NALF1: variants seen among roughly 807,000 people sequenced by gnomAD.
NALF1 encodes NALCN channel auxiliary factor 1, also known as family with sequence similarity 155 member A.
A neutral mutation model predicts 48.4 loss-of-function variants in NALF1; 3 were observed. The ratio of observed to expected loss-of-function variants is 0.06; its 90% CI spans 0.03 to 0.16. NALF1 has a LOEUF of 0.16. Among genes scored for constraint, NALF1 ranks in the 10% least tolerant of loss-of-function variants. The pLI, the probability that NALF1 is intolerant of heterozygous loss-of-function variation, is 1.00. For missense variants in NALF1, 526 were observed against 571.5 expected (o/e 0.92, Z 0.81); for synonymous variants, 262 against 245.7 (o/e 1.07, Z -0.62).
At chr13:107,677,915 T>C (rs1295195240) in intron 1 of NALF1, among the ~76,000 whole-genome samples, 2 of 152,224 alleles carry the variant, frequency 1.3e-5, no homozygotes, top group African/African-American at 2.4e-5. Context: ...TATACATACT[T>C]GAGTTTAGAG....
intron 1 of NALF1, among the ~76,000 whole-genome samples, chr13:107,438,274 T>C (rs1884495160): frequency 6.6e-6 from 1 of 152,226 alleles, no homozygotes; most frequent in Non-Finnish European, 1.5e-5. Flanking sequence ...CTAGATATCC[T>C]AGTTTGAAGA....
At chr13:107,773,258 T>C (rs1877628831) in intron 1 of NALF1, among the ~76,000 whole-genome samples, 1 of 152,186 alleles carries the variant, frequency 6.6e-6, no homozygotes, top group Non-Finnish European at 1.5e-5. Flanking sequence ...TCATCAGAAA[T>C]ATGAACTGAA....
intron 1 of NALF1, among the ~76,000 whole-genome samples, chr13:107,277,109 T>C (rs978235844): frequency 2.6e-5 from 4 of 152,208 alleles, no homozygotes; most frequent in Admixed American, 2.0e-4. Context: ...ATAATTGTTT[T>C]CTTCAACTGT....
chr13:107,178,941 T>C (rs1430513551), intron 2 of NALF1, among the ~76,000 whole-genome samples: 1 of 149,332 alleles, frequency 6.7e-6, no homozygotes, highest in Non-Finnish European at 1.5e-5. Flanking sequence ...TGAGACTCTG[T>C]CTCAAAAAAC....
At chr13:107,544,623 C>T (rs551410273) in intron 1 of NALF1, among the ~76,000 whole-genome samples, 13 of 152,236 alleles carry the variant, frequency 8.5e-5, no homozygotes, top group African/African-American at 1.9e-4. Context: ...CACGGGCACT[C>T]GATAGCCATG....
chr13:107,530,141 TG>T (rs778479067), intron 1 of NALF1, among the ~76,000 whole-genome samples: 5 of 152,060 alleles, frequency 3.3e-5, no homozygotes, highest in Non-Finnish European at 7.4e-5. Flanking sequence ...CTCTCCACCC[TG>T]GGACACTCTC....
chr13:107,725,185 C>T (rs1876112767), intron 1 of NALF1, among the ~76,000 whole-genome samples: 1 of 152,148 alleles, frequency 6.6e-6, no homozygotes, highest in South Asian at 2.1e-4. Flanking sequence ...TAACTTAAGA[C>T]AAATCCTTCA....
intron 1 of NALF1, among the ~76,000 whole-genome samples, chr13:107,351,625 C>T (rs1293385190): frequency 2.0e-5 from 3 of 152,190 alleles, no homozygotes; most frequent in African/African-American, 4.8e-5. Flanking sequence ...AAATCTCTCC[C>T]TTTTTGCTAA....
chr13:107,816,590 A>T (rs12874134), intron 1 of NALF1, among the ~76,000 whole-genome samples: 33,744 of 151,938 alleles, frequency 0.22, 5,038 homozygotes, highest in African/African-American at 0.42. Flanking sequence ...GGGAGTATAA[A>T]TCAAGATAAG....
intron 1 of NALF1, among the ~76,000 whole-genome samples, chr13:107,795,202 C>T (rs1878382372): frequency 6.6e-6 from 1 of 152,124 alleles, no homozygotes; most frequent in Non-Finnish European, 1.5e-5. Flanking sequence ...TAAAATAAAA[C>T]ATAGCCAAGC....
chr13:107,436,017 C>A (rs530151420), intron 1 of NALF1, among the ~76,000 whole-genome samples: 8 of 152,260 alleles, frequency 5.3e-5, no homozygotes, highest in African/African-American at 1.9e-4. Context: ...GGAGTTCACC[C>A]CATTAGGGGT....
chr13:107,717,312 G>A (rs1186709074), intron 1 of NALF1, among the ~76,000 whole-genome samples: 3 of 152,274 alleles, frequency 2.0e-5, no homozygotes, highest in South Asian at 2.1e-4. Context: ...TGCCCCAATC[G>A]GCAGCATGAG....
intron 1 of NALF1, among the ~76,000 whole-genome samples, chr13:107,258,169 A>G (rs890492684): frequency 3.3e-5 from 5 of 152,192 alleles, no homozygotes; most frequent in Non-Finnish European, 5.9e-5. Context: ...TTCTGACCTT[A>G]TTGGTCATCT....
intron 1 of NALF1, among the ~76,000 whole-genome samples, chr13:107,394,174 G>A (rs943414643): frequency 6.6e-6 from 1 of 152,040 alleles, no homozygotes; most frequent in Non-Finnish European, 1.5e-5. Flanking sequence ...CTATTTTAGT[G>A]GATGCTCAAG....
intron 1 of NALF1, among the ~76,000 whole-genome samples, chr13:107,782,628 C>G (rs1460773609): frequency 1.3e-5 from 2 of 152,062 alleles, no homozygotes; most frequent in South Asian, 4.2e-4. Context: ...TCCCGGCCGC[C>G]ATCCCATCTA....
At chr13:107,575,966 G>A (rs1566399975) in intron 1 of NALF1, among the ~76,000 whole-genome samples, 1 of 144,396 alleles carries the variant, frequency 6.9e-6, no homozygotes, top group African/African-American at 2.5e-5. Flanking sequence ...TGTGTTGGGT[G>A]TGTGTGTGTG....
chr13:107,504,250 C>CAAAAAAAAAAAAAAAAAAAAA (rs769667553), intron 1 of NALF1, among the ~76,000 whole-genome samples: 1 of 71,706 alleles, frequency 1.4e-5, no homozygotes. Context: ...GGCCCTATCT[C>CAAAAAAAAAAAAAAAAAAAAA]AAAAAAAAAA....
chr13:107,772,847 T>G (rs1314069742), intron 1 of NALF1, among the ~76,000 whole-genome samples: 1 of 152,222 alleles, frequency 6.6e-6, no homozygotes, highest in Non-Finnish European at 1.5e-5. Flanking sequence ...ACAAGTTTTT[T>G]TAATGCCACA....
At chr13:107,683,704 C>T (rs1881360962) in intron 1 of NALF1, among the ~76,000 whole-genome samples, 1 of 152,202 alleles carries the variant, frequency 6.6e-6, no homozygotes, top group African/African-American at 2.4e-5. Flanking sequence ...GAAGCTGACT[C>T]TAACTCAATG....
Sources: gnomAD v4.1 joint callset for allele counts (sites outside exome capture counted in the v4.1 genomes callset) on GRCh38, gnomAD v4.1.1 for gene constraint, MANE v1.5 for transcripts, NCBI Gene and HGNC (gene_info 2026-07-23, HGNC 2026-07-21) for gene names.